RIMBP2: variants seen among roughly 807,000 people sequenced by gnomAD.
RIMBP2 encodes RIMS-binding protein 2.
Under a neutral mutation model 118.6 loss-of-function variants are expected in RIMBP2, and 48 were observed. The observed-to-expected ratio is 0.40, with a 90% CI of 0.32 to 0.51. The LOEUF is 0.51. RIMBP2 is among the 20% of genes least tolerant of loss of function. The pLI is 0.41. For synonymous variants in RIMBP2, 762 were observed against 742.9 expected (o/e 1.03, Z -0.42); for missense variants, 1,551 against 1,768.3 (o/e 0.88, Z 2.20).
chr12:130,471,811 A>G (rs4759693), intron 5 of RIMBP2: 68,204 of 152,304 alleles, frequency 0.45, 15,532 homozygotes, highest in East Asian at 0.54. Flanking sequence ...CTCCAGCGTC[A>G]GGAGCTCCTC....
At position 130,422,775 on chromosome 12, in the gene RIMBP2, G is replaced by A. The variant is rs973647677; in HGVS notation, c.3130-214C>T. On this transcript the variant is annotated intron_variant, in intron 16 of 22. Coordinates refer to ENST00000690449, the MANE Select transcript of RIMBP2 (RefSeq NM_001393629.1). This position sits in a 1 kb window ranked among gnomAD's most constrained non-coding sequence, Gnocchi z 5.2. ...GAGCCGCTGCTGGGCGCATGGTGGG[G>A]TGAGGGCAAAAATAATTCCTTGTGG... Among the ~76,000 whole-genome samples, 6 of 152,224 alleles carry A rather than the reference G, an allele frequency of 3.9e-5. No individual in the cohort carries two copies. The highest frequency in any genetic ancestry group is 8.8e-5 in the Non-Finnish European group (6 of 68,038).
At position 130,499,301 on chromosome 12, in the gene RIMBP2, G is replaced by A. The variant is rs572979784; in HGVS notation, c.-4+7347C>T. ...GGGACATAGAGCCAAACCATATCAG[G>A]GTGCTTTGTGATACAGCAATAGCTA... On this transcript the variant is annotated intron_variant, in intron 4 of 22. Transcript: ENST00000690449. Among the ~76,000 whole-genome samples the A allele has an allele frequency of 4.3e-4, 65 of 152,272 alleles. 1 individual carries two copies. Among genetic ancestry groups the A allele is most frequent in the Admixed American group, 8.5e-4 (13 of 15,306 alleles).
In RIMBP2 at chr12:130,478,960, G is replaced by C; in HGVS notation, c.54C>G (p.Ala18=). 6.2e-7 allele frequency: 1 copy of C among 1,613,928 alleles called. No homozygotes were observed. Among genetic ancestry groups the C allele is most frequent in the South Asian group, 1.1e-5 (1 of 91,076 alleles). The change falls in exon 5 of 23, where the codon GCC becomes GCG. Residue 18 remains alanine (A), a synonymous_variant. Coordinates refer to ENST00000690449, the MANE Select transcript of RIMBP2 (RefSeq NM_001393629.1). The part of the protein sequence containing the change: ...RQQLQLEHDQ[A]LAVLSAKQQE... Reference sequence around the variant, plus strand: ...GCTGCTTGGCACTGAGAACAGCCAGGGCCTGGTCATGCTCCAACTGCAGCT... The same window carrying C: ...GCTGCTTGGCACTGAGAACAGCCAGCGCCTGGTCATGCTCCAACTGCAGCT...
intron 7 of RIMBP2, 145 bp downstream of exon 7, chr12:130,456,349 CCT>C (rs2079432400): frequency 1.5e-6 from 1 of 660,282 alleles, no homozygotes. Flanking sequence ...TGTGAGCAGC[CCT>C]GTTCTCATCC....
At position 130,509,012 on chromosome 12, in the gene RIMBP2, C is replaced by T. The variant is rs1458095788; in HGVS notation, c.-126-2242G>A. Among the ~76,000 whole-genome samples the T allele has an allele frequency of 4.6e-5, 7 of 152,244 alleles. No homozygotes were observed. The Middle Eastern group carries it at 0.01, about 222-fold the overall frequency. On this transcript the variant is annotated intron_variant, in intron 3 of 22. Transcript: ENST00000690449. ...CTAATCAGGCTTGCCCAGTGGAAGACATGATCAAGAAATGATGGATCAGCA... is the reference window on the plus strand; with the variant it reads ...CTAATCAGGCTTGCCCAGTGGAAGATATGATCAAGAAATGATGGATCAGCA...
chr12:130,486,710 AG>A (rs771599326), intron 4 of RIMBP2, among the ~76,000 whole-genome samples: 1 of 114,982 alleles, frequency 8.7e-6, no homozygotes, highest in Non-Finnish European at 1.8e-5. Context: ...CAGATCTTTG[AG>A]AAAAAAAAAA....
rs546130809 is a variant in RIMBP2, at chr12:130,405,184, C to CA, written c.3765+987dup. On this transcript the variant is annotated intron_variant, in intron 21 of 22. Transcript: ENST00000690449. ...CGTGAAATTCATCCTTAATAAACAA[C>CA]AAAAATGGAGAAGCAAACACACACA... Among the ~76,000 whole-genome samples the CA allele has an allele frequency of 4.6e-5, 7 of 152,106 alleles. No individual in the cohort carries two copies. In the South Asian group the frequency reaches 1.5e-3, roughly 32 times the overall value.
At chr12:130,545,924 C>T (rs1032322888) in intron 2 of RIMBP2, among the ~76,000 whole-genome samples, 2 of 152,022 alleles carry the variant, frequency 1.3e-5, no homozygotes, top group African/African-American at 4.8e-5. Flanking sequence ...TAGGGCTCAT[C>T]AAAAAGGACT....
intron 10 of RIMBP2, among the ~76,000 whole-genome samples, chr12:130,444,018 G>T (rs1202829303): frequency 6.6e-6 from 1 of 152,186 alleles, no homozygotes; most frequent in African/African-American, 2.4e-5. Flanking sequence ...AGACAATGGA[G>T]CCCTGAGTTT....
At chr12:130,640,115 T>C (rs2062550922) in intron 1 of RIMBP2, among the ~76,000 whole-genome samples, 1 of 152,146 alleles carries the variant, frequency 6.6e-6, no homozygotes, top group Non-Finnish European at 1.5e-5. Context: ...ACGATGTTAT[T>C]CTCGATCACA....
At chr12:130,403,253 G>A (rs1189219535) in intron 21 of RIMBP2, among the ~76,000 whole-genome samples, 1 of 152,158 alleles carries the variant, frequency 6.6e-6, no homozygotes, top group South Asian at 2.1e-4. Flanking sequence ...TGGGCAGTCC[G>A]CTCAGTGAAC....
intron 2 of RIMBP2, among the ~76,000 whole-genome samples, chr12:130,522,691 C>T (rs74242877): frequency 0.019 from 2,903 of 152,168 alleles, 167 homozygotes; most frequent in East Asian, 0.15. Flanking sequence ...CAGGGAGGCA[C>T]GGACTTCCTG....
chr12:130,399,219 A>G (rs1297141479), intron 22 of RIMBP2: 6 of 996,594 alleles, frequency 6.0e-6, no homozygotes, highest in Non-Finnish European at 4.0e-6. Flanking sequence ...TATAATATAG[A>G]AAAACTTGCA....
At position 130,422,397 on chromosome 12, in the gene RIMBP2, A is replaced by G; in HGVS notation, c.3238+56T>C. ...AGTTTTGTTCATGCTTAGATGGAGTAAGCAGCCACATGCTCCGCGGCTGAA... is the reference window on the plus strand; with the variant it reads ...AGTTTTGTTCATGCTTAGATGGAGTGAGCAGCCACATGCTCCGCGGCTGAA... On this transcript the variant is annotated intron_variant, in intron 17 of 22. Transcript: ENST00000690449. This position sits in a 1 kb window ranked among gnomAD's most constrained non-coding sequence, Gnocchi z 5.2. The G allele has an allele frequency of 8.0e-7, 1 of 1,251,094 alleles. No individual in the cohort carries two copies. The highest frequency in any genetic ancestry group is 1.2e-6 in the Non-Finnish European group (1 of 865,528). The allele number at this position is 1,251,094 out of a possible 1,614,324, so 77.5% of individuals were successfully genotyped here. A position where few individuals can be genotyped will look rare whatever the true frequency, so the allele number is the denominator to read the frequency against.
intron 1 of RIMBP2, among the ~76,000 whole-genome samples, chr12:130,661,113 C>T (rs949536911): frequency 2.6e-5 from 4 of 152,190 alleles, no homozygotes; most frequent in African/African-American, 7.2e-5. Flanking sequence ...GAATAACTGC[C>T]GCGGTGGACA....
At chr12:130,702,191 C>T (rs2065885688) in intron 1 of RIMBP2, among the ~76,000 whole-genome samples, 1 of 152,036 alleles carries the variant, frequency 6.6e-6, no homozygotes, top group Non-Finnish European at 1.5e-5. Flanking sequence ...GGTAAATTTC[C>T]AAATTGCCTC....
At chr12:130,573,646 T>TG (rs988957323) in intron 2 of RIMBP2, among the ~76,000 whole-genome samples, 7 of 151,946 alleles carry the variant, frequency 4.6e-5, no homozygotes, top group South Asian at 2.1e-4. Flanking sequence ...GACCCCCACC[T>TG]GGGGGGGTGA....
At chr12:130,428,438 CG>C (rs1397595313) in intron 14 of RIMBP2, 101 bp from the exon 15 acceptor site, 6 of 1,292,142 alleles carry the variant, frequency 4.6e-6, no homozygotes. Flanking sequence ...CGCTGACTCA[CG>C]GGGCTCACAG....
chr12:130,571,170 C>A (rs1460928712), intron 2 of RIMBP2, among the ~76,000 whole-genome samples: 1 of 138,874 alleles, frequency 7.2e-6, no homozygotes, highest in Non-Finnish European at 1.5e-5. Flanking sequence ...ACTGGGTCTG[C>A]ATCATAAAGG....
Sources: allele counts gnomAD v4.1 joint callset (sites outside exome capture counted in the v4.1 genomes callset), GRCh38; gene constraint gnomAD v4.1.1; non-coding constraint Gnocchi (gnomAD v3.1); transcripts MANE v1.5; gene names NCBI Gene and HGNC (gene_info 2026-07-23, HGNC 2026-07-21).